Variants in MARCHF3 observed in about 807,000 individuals in gnomAD.
The protein encoded by MARCHF3 is E3 ubiquitin-protein ligase MARCHF3.
In MARCHF3, 13 loss-of-function variants were observed where a neutral mutation model predicts 24.2. The ratio of observed to expected loss-of-function variants is 0.54; its 90% CI spans 0.35 to 0.85. The LOEUF (loss-of-function observed/expected upper bound fraction) is 0.85. Ranked by LOEUF, MARCHF3 falls within the 40% of genes least tolerant of loss-of-function variation. The pLI is 0.01. For synonymous variants in MARCHF3, 144 were observed against 137.3 expected, an observed-to-expected ratio of 1.05 and a Z score of -0.34; for missense variants, 276 against 325.0, an observed-to-expected ratio of 0.85 and a Z score of 1.16.
chr5:126,892,588 C>T (rs372041086), intron 3 of MARCHF3, among the ~76,000 whole-genome samples: 2 of 149,264 alleles, frequency 1.3e-5, no homozygotes, highest in African/African-American at 2.6e-5. Flanking sequence ...TGCTGGATTA[C>T]ATTTATTGAT....
intron 3 of MARCHF3, among the ~76,000 whole-genome samples, chr5:126,886,084 A>G (rs1395672313): frequency 6.6e-6 from 1 of 152,032 alleles, no homozygotes; most frequent in Admixed American, 6.5e-5. Context: ...TAAAAGTTAT[A>G]CAACTCCAAT....
chr5:126,975,183 TTGACCTTG>T (rs1406926274), intron 1 of MARCHF3, among the ~76,000 whole-genome samples: 7 of 152,186 alleles, frequency 4.6e-5, no homozygotes, highest in Non-Finnish European at 1.0e-4. Flanking sequence ...TCTCAATCTC[TTGACCTTG>T]TGATCTGCCT....
intron 1 of MARCHF3, among the ~76,000 whole-genome samples, chr5:126,975,760 A>G (rs1296176663): frequency 3.3e-5 from 5 of 152,338 alleles, no homozygotes; most frequent in African/African-American, 1.2e-4. Context: ...GGTGAAGCTA[A>G]AACCCAGAAC....
rs368448530 is a variant in MARCHF3, at chr5:126,944,583, A to C, written c.-56-26356T>G. 1.6e-3 allele frequency among the ~76,000 whole-genome samples: 250 copies of C among 152,344 alleles called. 6 individuals are homozygous for C. In the South Asian group the frequency reaches 0.05, roughly 31 times the overall value. ...GGCAAAAGAGCGACACCCTGTCTCA[A>C]ATAATAGTAATAATAATAATAATCA... On this transcript the variant is annotated intron_variant, in intron 1 of 4. Coordinates refer to ENST00000308660, the MANE Select transcript of MARCHF3 (RefSeq NM_178450.5).
chr5:126,876,763 C>A (rs902469870), intron 4 of MARCHF3, among the ~76,000 whole-genome samples: 1 of 152,114 alleles, frequency 6.6e-6, no homozygotes, highest in African/African-American at 2.4e-5. Context: ...AATTCTCCTG[C>A]CTTGGCCTCC....
chr5:127,010,493 C>T (rs897910595), intron 1 of MARCHF3, among the ~76,000 whole-genome samples: 2 of 152,254 alleles, frequency 1.3e-5, no homozygotes, highest in African/African-American at 4.8e-5. Flanking sequence ...CACAGTGGCA[C>T]ATCCAGGCCC....
At chr5:126,991,988 A>T (rs769699746) in intron 1 of MARCHF3, among the ~76,000 whole-genome samples, 4 of 152,184 alleles carry the variant, frequency 2.6e-5, no homozygotes, top group Non-Finnish European at 5.9e-5. Flanking sequence ...TGAACAATTC[A>T]CTTGGACCAC....
At chr5:126,945,026 C>A (rs1315326914) in intron 1 of MARCHF3, among the ~76,000 whole-genome samples, 1 of 152,082 alleles carries the variant, frequency 6.6e-6, no homozygotes, top group Admixed American at 6.5e-5. Flanking sequence ...CTCATCCATC[C>A]CTTCTTTTTA....
intron 1 of MARCHF3, among the ~76,000 whole-genome samples, chr5:126,947,562 T>A (rs1191178264): frequency 2.0e-5 from 3 of 151,954 alleles, no homozygotes; most frequent in Non-Finnish European, 2.9e-5. Context: ...AACTTAGAGG[T>A]TCATGAATTG....
intron 3 of MARCHF3, among the ~76,000 whole-genome samples, chr5:126,906,540 T>A (rs1434681436): frequency 6.6e-6 from 1 of 152,244 alleles, no homozygotes; most frequent in Non-Finnish European, 1.5e-5. Flanking sequence ...CCTGGTTCAG[T>A]CTTGGGAGAG....
intron 3 of MARCHF3, among the ~76,000 whole-genome samples, chr5:126,894,034 C>G (rs1311856259): frequency 5.1e-5 from 7 of 138,206 alleles, no homozygotes; most frequent in Non-Finnish European, 1.1e-4. Context: ...GATCCCTTTA[C>G]CATTAAGTAA....
At chr5:127,009,710 A>G (rs1352473440) in intron 1 of MARCHF3, among the ~76,000 whole-genome samples, 1 of 152,172 alleles carries the variant, frequency 6.6e-6, no homozygotes, top group Non-Finnish European at 1.5e-5. Context: ...CTCTGCCCCC[A>G]CAAAATCTTG....
intron 3 of MARCHF3, 125 bp from the exon 4 acceptor site, chr5:126,878,519 TATGAG>T: frequency 2.3e-6 from 2 of 851,084 alleles, no homozygotes; most frequent in Non-Finnish European, 3.6e-6. Context: ...TCTGACTTGT[TATGAG>T]ATAACAAGGA....
intron 1 of MARCHF3, among the ~76,000 whole-genome samples, chr5:126,946,943 G>A (rs141383276): frequency 1.3e-5 from 2 of 152,132 alleles, no homozygotes; most frequent in African/African-American, 4.8e-5. Context: ...CTGACTTTTA[G>A]TTTGGTGTAT....
chr5:126,988,015 C>T, intron 1 of MARCHF3, among the ~76,000 whole-genome samples: 1 of 152,096 alleles, frequency 6.6e-6, no homozygotes, highest in African/African-American at 2.4e-5. Context: ...AGTAACTTGT[C>T]TCTACGTCTA....
chr5:126,869,356 TCTC>T lies in MARCHF3; in HGVS notation c.*1274_*1276del, dbSNP rs1473789760. 1 of 152,064 alleles carries T rather than the reference TCTC, an allele frequency of 6.6e-6. No homozygotes were observed. Among genetic ancestry groups the T allele is most frequent in the African/African-American group, 2.4e-5 (1 of 41,408 alleles). 9.4% of individuals were successfully genotyped at this position (152,064 alleles called of 1,614,324 possible). A position where few individuals can be genotyped will look rare whatever the true frequency, so the allele number is the denominator to read the frequency against. ...CCTGAGAGTCAACCCCAGCCAGCGC[TCTC>T]CTCAGAAGACATCCGCTCCTGCCTC... is the stretch of plus-strand genomic sequence containing the variant. On this transcript the variant is annotated 3_prime_UTR_variant, in exon 5 of 5. Coordinates refer to ENST00000308660, the MANE Select transcript of MARCHF3 (RefSeq NM_178450.5).
chr5:126,983,719 C>G (rs1210036569), intron 1 of MARCHF3, among the ~76,000 whole-genome samples: 1 of 152,162 alleles, frequency 6.6e-6, no homozygotes, highest in African/African-American at 2.4e-5. Flanking sequence ...TGTCCCTTCC[C>G]TCATCCCTGA....
chr5:126,980,537 A>AT (rs1176473446), intron 1 of MARCHF3, among the ~76,000 whole-genome samples: 3 of 151,960 alleles, frequency 2.0e-5, no homozygotes, highest in Non-Finnish European at 4.4e-5. Flanking sequence ...GGCTCGGCTA[A>AT]TTTTTTGTAT....
chr5:126,926,546 G>A (rs1312220926), intron 1 of MARCHF3, among the ~76,000 whole-genome samples: 2 of 152,046 alleles, frequency 1.3e-5, no homozygotes, highest in South Asian at 2.1e-4. Context: ...AATACCAAAC[G>A]TCCTCAAAAC....
Sources: gnomAD v4.1 joint callset for allele counts (sites outside exome capture counted in the v4.1 genomes callset) on GRCh38, gnomAD v4.1.1 for gene constraint, MANE v1.5 for transcripts, NCBI Gene and HGNC (gene_info 2026-07-23, HGNC 2026-07-21) for gene names.